The following DEDD variants were observed in gnomAD, a reference collection of about 807,000 sequenced individuals.
DEDD encodes the protein death effector domain containing, also known as death effector domain-containing protein.
In DEDD, 3 loss-of-function variants were observed where a neutral mutation model predicts 29.2. That is an observed-to-expected ratio of 0.10 (90% CI 0.05 to 0.27). The LOEUF is 0.27. Among genes scored for constraint, DEDD ranks in the 10% least tolerant of loss-of-function variants. The probability of loss-of-function intolerance (pLI) is 1.00; values close to 1 mark genes in which losing one functional copy is unlikely to be tolerated. For synonymous variants in DEDD, 152 were observed against 161.3 expected (o/e 0.94, Z 0.44); for missense variants, 261 against 420.5 (o/e 0.62, Z 3.32).
Position 161,123,925 on chromosome 1 carries a change from T to C in DEDD, c.347A>G (p.Lys116Arg), listed in dbSNP as rs372926625. The change falls in exon 4 of 6, where the codon AAG becomes AGG. Residue 116 changes from lysine (K) to arginine (R), a missense_variant. Lys to Arg is a conservative substitution (Grantham distance 26). Coordinates refer to ENST00000368006, the MANE Select transcript of DEDD (RefSeq NM_032998.3). ...RRAVCPDLVD[K>R]YLEETSIRYV... ...GCGAATTGATGTCTCCTCCAGATAC[T>C]TGTCTACAAGATCAGGGCACACTGT... 3 of 1,613,988 alleles carry C rather than the reference T, an allele frequency of 1.9e-6. No individual in the cohort carries two copies. Among genetic ancestry groups the C allele is most frequent in the Non-Finnish European group, 2.5e-6 (3 of 1,180,008 alleles).
chr1:161,123,887 T>G lies in DEDD; in HGVS notation c.385A>C (p.Arg129=). 3.1e-6 allele frequency: 5 copies of G among 1,614,098 alleles called. No homozygotes were observed. Among genetic ancestry groups the G allele is most frequent in the Non-Finnish European group, 3.4e-6 (4 of 1,180,012 alleles). The change falls in exon 4 of 6, where the codon AGA becomes CGA. Residue 129 remains arginine (R), a synonymous_variant. Coordinates refer to ENST00000368006, the MANE Select transcript of DEDD (RefSeq NM_032998.3). ...EETSIRYVTP[R]ALSDPEPRPP... ...CTTGGTTCTGGATCACTGAGGGCTC[T>G]GGGGGTCACATAGCGAATTGATGTC... is the stretch of plus-strand genomic sequence containing the variant.
At chr1:161,127,118 T>C (rs546456342) in intron 2 of DEDD, among the ~76,000 whole-genome samples, 5 of 152,286 alleles carry the variant, frequency 3.3e-5, no homozygotes, top group African/African-American at 1.2e-4. Flanking sequence ...GAGCCTCAAA[T>C]ATAGTGGGAG....
chr1:161,124,098 CACA>C, intron 3 of DEDD, 37 bp downstream of exon 3: 1 of 1,590,594 alleles, frequency 6.3e-7, no homozygotes, highest in Non-Finnish European at 8.6e-7. Context: ...CCTGGCCTCC[CACA>C]ACTCTTCCCT....
intron 2 of DEDD, among the ~76,000 whole-genome samples, chr1:161,127,163 G>T (rs1656267207): frequency 6.6e-6 from 1 of 152,142 alleles, no homozygotes. Context: ...ATCTCCAAGA[G>T]ATCACCTCAA....
chr1:161,129,385 A>G (rs1050675059), intron 2 of DEDD, among the ~76,000 whole-genome samples: 1 of 152,132 alleles, frequency 6.6e-6, no homozygotes, highest in Non-Finnish European at 1.5e-5. Flanking sequence ...GCTTGAGCCC[A>G]GGAGTTCGAG....
At chr1:161,126,804 C>T (rs1656225466) in intron 2 of DEDD, among the ~76,000 whole-genome samples, 2 of 152,134 alleles carry the variant, frequency 1.3e-5, no homozygotes, top group East Asian at 1.9e-4. Context: ...AGGCTCTTCT[C>T]TTTGCCTGAA....
At chr1:161,132,154 G>C (rs1656736158) in intron 1 of DEDD, 1 of 152,336 alleles carries the variant, frequency 6.6e-6, no homozygotes, top group Admixed American at 6.6e-5. Flanking sequence ...CCAACCACAT[G>C]CCACAGCCCC....
intron 2 of DEDD, among the ~76,000 whole-genome samples, chr1:161,130,491 A>G (rs1656580662): frequency 6.6e-6 from 1 of 152,158 alleles, no homozygotes; most frequent in Admixed American, 6.5e-5. Context: ...TCCAAGGGCA[A>G]CATTTAGTAG....
Position 161,121,943 on chromosome 1 carries a change from G to T in DEDD, c.*204C>A. 1.6e-6 allele frequency: 1 copy of T among 614,004 alleles called. No individual in the cohort carries two copies. Among genetic ancestry groups the T allele is most frequent in the Non-Finnish European group, 2.8e-6 (1 of 362,216 alleles). 38.0% of individuals were successfully genotyped at this position (614,004 alleles called of 1,614,324 possible). ...GACACATTACGGGGTAAATGGAAAAGGGAAATAAAGGGGAAGCCCAGGCAC... is the reference window on the plus strand; with the variant it reads ...GACACATTACGGGGTAAATGGAAAATGGAAATAAAGGGGAAGCCCAGGCAC... On this transcript the variant is annotated 3_prime_UTR_variant, in exon 6 of 6. Coordinates refer to ENST00000368006, the MANE Select transcript of DEDD (RefSeq NM_032998.3).
intron 2 of DEDD, among the ~76,000 whole-genome samples, chr1:161,130,307 C>T (rs527307865): frequency 6.6e-6 from 1 of 152,056 alleles, no homozygotes; most frequent in Admixed American, 6.5e-5. Context: ...CATAGAAAAT[C>T]TTAAAGATGG....
chr1:161,122,852 A>C lies in DEDD; in HGVS notation c.580+223T>G. 1 of 834,446 alleles carries C rather than the reference A, an allele frequency of 1.2e-6. No homozygotes were observed. The allele number at this position is 834,446 out of a possible 1,614,324, so 51.7% of individuals were successfully genotyped here. On this transcript the variant is annotated intron_variant, in intron 5 of 5. Transcript: ENST00000368006. The surrounding 1 kb of genome is among the most constrained non-coding windows in gnomAD (Gnocchi z 4.2). ...CTCATCCTACAATAAGGATGTCATA[A>C]CAACATCCCTGTGATGTAGTATTAA...
chr1:161,131,691 C>G (rs1656681618), intron 1 of DEDD, among the ~76,000 whole-genome samples: 1 of 152,140 alleles, frequency 6.6e-6, no homozygotes, highest in Non-Finnish European at 1.5e-5. Context: ...GAAAACAAAC[C>G]CAGTTGAATT....
In DEDD at chr1:161,122,778, T is replaced by TA. The variant is rs533435958; in HGVS notation, c.581-256dup. On this transcript the variant is annotated intron_variant, in intron 5 of 5. Transcript: ENST00000368006. This position sits in a 1 kb window ranked among gnomAD's most constrained non-coding sequence, Gnocchi z 4.2. Reference sequence around the variant, plus strand: ...CAGGTAGCAACTTGTTTATAGGAGATATTTTCCTAATTACCAGGCATAGAA... The same window carrying TA: ...CAGGTAGCAACTTGTTTATAGGAGATAATTTTCCTAATTACCAGGCATAGAA... Among the ~76,000 whole-genome samples the TA allele has an allele frequency of 3.3e-5, 5 of 152,322 alleles. No homozygotes were observed. In the East Asian group the frequency reaches 9.6e-4, roughly 29 times the overall value.
Position 161,121,980 on chromosome 1 carries a change from G to T in DEDD, c.*167C>A. On this transcript the variant is annotated 3_prime_UTR_variant, in exon 6 of 6. Coordinates refer to ENST00000368006, the MANE Select transcript of DEDD (RefSeq NM_032998.3). ...GGAAGCCCAGGCACATGGGTGCAGG[G>T]AGGGGTGGGGAATACCACTTCCACT... The T allele has an allele frequency of 1.2e-6, 1 of 844,566 alleles. No homozygotes were observed. Among genetic ancestry groups the T allele is most frequent in the Non-Finnish European group, 1.8e-6 (1 of 552,794 alleles). The allele number at this position is 844,566 out of a possible 1,614,324, so 52.3% of individuals were successfully genotyped here. A position where few individuals can be genotyped will look rare whatever the true frequency, so the allele number is the denominator to read the frequency against.
chr1:161,125,658 C>A (rs947463438), intron 2 of DEDD, among the ~76,000 whole-genome samples: 6 of 152,142 alleles, frequency 3.9e-5, no homozygotes, highest in African/African-American at 9.7e-5. Context: ...CGCACCACCA[C>A]GTCTTGCTAA....
chr1:161,121,059 CAT>C lies in DEDD; in HGVS notation c.*1086_*1087del, dbSNP rs1310610617. 8.0e-6 allele frequency: 10 copies of C among 1,249,978 alleles called. No individual in the cohort carries two copies. In the East Asian group the frequency reaches 2.9e-4, roughly 36 times the overall value. 77.4% of individuals were successfully genotyped at this position (1,249,978 alleles called of 1,614,324 possible). A position where few individuals can be genotyped will look rare whatever the true frequency, so the allele number is the denominator to read the frequency against. On this transcript the variant is annotated 3_prime_UTR_variant, in exon 6 of 6. Coordinates refer to ENST00000368006, the MANE Select transcript of DEDD (RefSeq NM_032998.3). ...CACTGGCATTGAAAAATATAATAAT[CAT>C]AAAGTCTGTGTCTGGACATCGCCTT...
In DEDD at chr1:161,122,933, G is replaced by A; in HGVS notation, c.580+142C>T. The A allele has an allele frequency of 6.6e-7, 1 of 1,512,932 alleles. No individual in the cohort carries two copies. Among genetic ancestry groups the A allele is most frequent in the East Asian group, 2.3e-5 (1 of 44,186 alleles). The allele number at this position is 1,512,932 out of a possible 1,614,324, so 93.7% of individuals were successfully genotyped here. A position where few individuals can be genotyped will look rare whatever the true frequency, so the allele number is the denominator to read the frequency against. ...ATCATAAAGAGCAGTTCTTCCACCAGACACCAAACCATTCAGCCTCACTTT... is the reference window on the plus strand; with the variant it reads ...ATCATAAAGAGCAGTTCTTCCACCAAACACCAAACCATTCAGCCTCACTTT... On this transcript the variant is annotated intron_variant, in intron 5 of 5. Transcript: ENST00000368006. The surrounding 1 kb of genome is among the most constrained non-coding windows in gnomAD (Gnocchi z 4.2).
chr1:161,124,424 T>C lies in DEDD; in HGVS notation c.39A>G (p.Pro13=), dbSNP rs1655934067. ...GLKRRASQVW[P]EEHGEQEHGL... The stretch of plus-strand genomic sequence containing the variant: ...CATGTTCCTGCTCACCATGCTCTTC[T>C]GGCCACACCTGGCTTGCCCGCCGCT... Residue 13 remains proline (P), a synonymous_variant, in exon 3 of 6, where the codon CCA becomes CCG. Transcript: ENST00000368006. 6.2e-7 allele frequency: 1 copy of C among 1,608,310 alleles called. No homozygotes were observed. Among genetic ancestry groups the C allele is most frequent in the Non-Finnish European group, 8.5e-7 (1 of 1,175,314 alleles).
chr1:161,123,198 A>G lies in DEDD; in HGVS notation c.457T>C (p.Cys153Arg). Residue 153 changes from cysteine (C) to arginine (R), a missense_variant, in exon 5 of 6, where the codon TGT becomes CGT. Coordinates refer to ENST00000368006, the MANE Select transcript of DEDD (RefSeq NM_032998.3). ...ATCTGAGGACCCGAAGTGGGGCAAC[A>G]CACCACAGGATAGTGGGGAGGCACT... ...KTVPPHYPVV[C>R]CPTSGPQMCS... 6.2e-7 allele frequency: 1 copy of G among 1,614,226 alleles called. No individual in the cohort carries two copies. Among genetic ancestry groups the G allele is most frequent in the African/African-American group, 1.3e-5 (1 of 75,050 alleles).
Sources: gnomAD v4.1 joint callset for allele counts (sites outside exome capture counted in the v4.1 genomes callset) on GRCh38, gnomAD v4.1.1 for gene constraint, Gnocchi (gnomAD v3.1) non-coding constraint, MANE v1.5 for transcripts, NCBI Gene and HGNC (gene_info 2026-07-23, HGNC 2026-07-21) for gene names.